The following GRIA4 variants were observed in gnomAD, a reference collection of about 807,000 sequenced individuals.
GRIA4 encodes the protein glutamate ionotropic receptor AMPA type subunit 4, also known as glutamate receptor 4.
Under a neutral mutation model 104.0 loss-of-function variants are expected in GRIA4, and 34 were observed. That is an observed-to-expected ratio of 0.33 (90% CI 0.25 to 0.44). GRIA4 has a LOEUF of 0.44. Among genes scored for constraint, GRIA4 ranks in the 20% least tolerant of loss-of-function variants. The pLI is 1.00. For missense variants in GRIA4, 750 were observed against 1,096.5 expected, an observed-to-expected ratio of 0.68 and a Z score of 4.46; for synonymous variants, 386 against 381.9, an observed-to-expected ratio of 1.01 and a Z score of -0.13.
intron 3 of GRIA4, among the ~76,000 whole-genome samples, chr11:105,696,588 T>C (rs1027173201): frequency 3.3e-5 from 5 of 152,146 alleles, no homozygotes; most frequent in Admixed American, 2.0e-4. Flanking sequence ...TTAAATACAA[T>C]AGGCACACTA....
At chr11:105,935,512 G>A (rs1211237290) in intron 14 of GRIA4, among the ~76,000 whole-genome samples, 1 of 152,152 alleles carries the variant, frequency 6.6e-6, no homozygotes, top group Non-Finnish European at 1.5e-5. Context: ...TAATTTCAAT[G>A]AGGCCAAGTA....
chr11:105,923,658 T>G (rs1300037999), intron 11 of GRIA4, among the ~76,000 whole-genome samples: 1 of 152,090 alleles, frequency 6.6e-6, no homozygotes, highest in Non-Finnish European at 1.5e-5. Flanking sequence ...CTCAGAAAAA[T>G]TGCTCAAAAT....
chr11:105,917,382 T>G (rs142028473), intron 10 of GRIA4, among the ~76,000 whole-genome samples: 2 of 152,342 alleles, frequency 1.3e-5, no homozygotes, highest in African/African-American at 4.8e-5. Context: ...ATAATTCACA[T>G]GTTTTATTAA....
chr11:105,824,383 T>C lies in GRIA4; in HGVS notation c.488-37641T>C, dbSNP rs142410580. 3.3e-3 allele frequency among the ~76,000 whole-genome samples: 504 copies of C among 152,152 alleles called. 3 individuals carry two copies. Among genetic ancestry groups the C allele is most frequent in the African/African-American group, 0.011 (475 of 41,540 alleles). ...TTTCTTAATTTTTTATTAAACAATA[T>C]CTGACTTCCTACTATGGAAGATGAA... is the stretch of plus-strand genomic sequence containing the variant. On this transcript the variant is annotated intron_variant, in intron 4 of 16. Coordinates refer to ENST00000282499, the MANE Select transcript of GRIA4 (RefSeq NM_000829.4).
chr11:105,888,176 G>A (rs1342561395), intron 6 of GRIA4, among the ~76,000 whole-genome samples: 3 of 151,086 alleles, frequency 2.0e-5, no homozygotes, highest in Admixed American at 6.6e-5. Context: ...TGTATGGAGC[G>A]GCCCAGCCTC....
rs1344589883 is a variant in GRIA4 at position 105,924,789 on chromosome 11, A to G, written c.1847+20A>G. ...ACCCAGGTTAGTTTCAAATCTCTTA[A>G]GTTCTTCACTGATTTCCCAGTAATT... is the stretch of plus-strand genomic sequence containing the variant. On this transcript the variant is annotated intron_variant, in intron 12 of 16. Coordinates refer to ENST00000282499, the MANE Select transcript of GRIA4 (RefSeq NM_000829.4). The G allele has an allele frequency of 6.5e-7, 1 of 1,534,500 alleles. No individual in the cohort carries two copies. Among genetic ancestry groups the G allele is most frequent in the Non-Finnish European group, 8.9e-7 (1 of 1,127,224 alleles).
intron 3 of GRIA4, among the ~76,000 whole-genome samples, chr11:105,678,007 A>G (rs1341012033): frequency 1.3e-5 from 2 of 152,058 alleles, no homozygotes; most frequent in Non-Finnish European, 2.9e-5. Flanking sequence ...ATCTCCCCAT[A>G]TATCACTAAG....
Position 105,723,687 on chromosome 11 carries a change from A to G in GRIA4, c.248-29294A>G, listed in dbSNP as rs1237888301. Among the ~76,000 whole-genome samples, 9 of 152,108 alleles carry G rather than the reference A, an allele frequency of 5.9e-5. 1 individual carries two copies. In the East Asian group the frequency reaches 1.2e-3, roughly 20 times the overall value. ...AGAGAACTAATCATTGCTCGCTTCA[A>G]CTTCCTAATATATCAAATTTGTGTG... On this transcript the variant is annotated intron_variant, in intron 3 of 16. Coordinates refer to ENST00000282499, the MANE Select transcript of GRIA4 (RefSeq NM_000829.4).
chr11:105,727,744 T>G (rs1938311698), intron 3 of GRIA4, among the ~76,000 whole-genome samples: 1 of 151,996 alleles, frequency 6.6e-6, no homozygotes, highest in Admixed American at 6.6e-5. Flanking sequence ...AGAAAAAAAT[T>G]TTCAACCCAG....
intron 3 of GRIA4, among the ~76,000 whole-genome samples, chr11:105,685,398 G>T (rs1299420997): frequency 1.2e-4 from 19 of 152,092 alleles, no homozygotes; most frequent in Admixed American, 1.2e-3. Context: ...TTTGACCCTG[G>T]CTTGAAATCA....
chr11:105,687,975 T>C (rs1591563089), intron 3 of GRIA4, among the ~76,000 whole-genome samples: 1 of 152,168 alleles, frequency 6.6e-6, no homozygotes, highest in South Asian at 2.1e-4. Context: ...GAAATGAAAT[T>C]TTTAATCATG....
At chr11:105,904,767 CT>C (rs1946983080) in intron 8 of GRIA4, among the ~76,000 whole-genome samples, 2 of 151,894 alleles carry the variant, frequency 1.3e-5, no homozygotes. Context: ...TGTCCTTATA[CT>C]TTTTGCTTCT....
intron 14 of GRIA4, among the ~76,000 whole-genome samples, chr11:105,948,595 G>GTTTTTTTTTTTTTTTTTTT (rs3060323): frequency 2.3e-5 from 2 of 87,870 alleles, no homozygotes; most frequent in Non-Finnish European, 4.2e-5. Flanking sequence ...TTTTCTTTTT[G>GTTTTTTTTTTTTTTTTTTT]TTTTTTTTTT....
At chr11:105,754,132 G>A (rs1165068197) in intron 4 of GRIA4, among the ~76,000 whole-genome samples, 1 of 152,060 alleles carries the variant, frequency 6.6e-6, no homozygotes, top group Non-Finnish European at 1.5e-5. Context: ...TTGGTAACAA[G>A]CTCCCATCTT....
chr11:105,869,038 G>A (rs1945525166), intron 5 of GRIA4, among the ~76,000 whole-genome samples: 1 of 152,098 alleles, frequency 6.6e-6, no homozygotes, highest in African/African-American at 2.4e-5. Context: ...AGATCTGCTG[G>A]ACTAGTGCAA....
chr11:105,882,529 A>G (rs993663187), intron 5 of GRIA4, among the ~76,000 whole-genome samples: 1 of 152,186 alleles, frequency 6.6e-6, no homozygotes, highest in African/African-American at 2.4e-5. Context: ...TGTTTCTGAC[A>G]TTTATATCCT....
chr11:105,610,870 C>CTTTTTTTTTTTTTTTTTTTTTTT (rs55973528), intron 1 of GRIA4, 38 bp from the exon 2 acceptor site: 1 of 330,396 alleles, frequency 3.0e-6, no homozygotes, highest in Non-Finnish European at 5.3e-6. Flanking sequence ...TCTTTCTTTT[C>CTTTTTTTTTTTTTTTTTTTTTTT]TTTTTTTTTT....
intron 4 of GRIA4, among the ~76,000 whole-genome samples, chr11:105,837,148 T>C (rs529568947): frequency 2.0e-5 from 3 of 152,042 alleles, no homozygotes; most frequent in Non-Finnish European, 2.9e-5. Context: ...CATTAGAACT[T>C]ACTCACTATG....
chr11:105,803,750 C>G (rs1942820880), intron 4 of GRIA4, among the ~76,000 whole-genome samples: 1 of 150,100 alleles, frequency 6.7e-6, no homozygotes, highest in African/African-American at 2.5e-5. Context: ...TGCTTAGAAC[C>G]TCAAAAATGT....
Sources: gnomAD v4.1 joint callset for allele counts (sites outside exome capture counted in the v4.1 genomes callset) on GRCh38, gnomAD v4.1.1 for gene constraint, MANE v1.5 for transcripts, NCBI Gene and HGNC (gene_info 2026-07-23, HGNC 2026-07-21) for gene names.